ZNF521: variants seen among roughly 807,000 people sequenced by gnomAD.
ZNF521 encodes LYST-interacting protein 3.
Under a neutral mutation model 105.5 loss-of-function variants are expected in ZNF521, and 14 were observed. The ratio of observed to expected loss-of-function variants is 0.13; its 90% CI spans 0.09 to 0.21. ZNF521 has a LOEUF of 0.21. ZNF521 is among the 10% of genes least tolerant of loss of function. The pLI, the probability that ZNF521 is intolerant of heterozygous loss-of-function variation, is 1.00. For missense variants in ZNF521, 1,233 were observed against 1,629.7 expected (o/e 0.76, Z 4.19); for synonymous variants, 635 against 606.0 (o/e 1.05, Z -0.70).
In ZNF521 at chr18:25,338,259, TTGTGTG is replaced by T. The variant is rs34813730; in HGVS notation, c.40+12642_40+12647del. Among the ~76,000 whole-genome samples, 1,305 of 136,586 alleles carry T rather than the reference TTGTGTG, an allele frequency of 9.6e-3. 21 individuals carry two copies. The highest frequency in any genetic ancestry group is 0.032 in the African/African-American group (1,159 of 36,480). The allele number at this position is 136,586 out of a possible 152,430, so 89.6% of individuals were successfully genotyped here. ...AATTCAAACAACCTCTCATAGACTT[TTGTGTG>T]TGTGTGTGTGTGTGTGTGTGTGTGT... On this transcript the variant is annotated intron_variant, in intron 2 of 7. Transcript: ENST00000361524.
chr18:25,161,922 G>A lies in ZNF521; in HGVS notation c.3658+33238C>T, dbSNP rs1025731870. ...CAACCACTTCATTAACAATGATGGC[G>A]GGTTACAACATGACAAGCAGTGGTT... On this transcript the variant is annotated intron_variant, in intron 5 of 7. Coordinates refer to ENST00000361524, the MANE Select transcript of ZNF521 (RefSeq NM_015461.3). Among the ~76,000 whole-genome samples, 9 of 152,116 alleles carry A rather than the reference G, an allele frequency of 5.9e-5. No homozygotes were observed. The East Asian group carries it at 7.7e-4, about 13-fold the overall frequency.
chr18:25,062,454 C>G lies in ZNF521; in HGVS notation c.*258G>C, dbSNP rs768843460. 6.9e-6 allele frequency: 3 copies of G among 434,210 alleles called. No homozygotes were observed. Among genetic ancestry groups the G allele is most frequent in the African/African-American group, 2.1e-5 (1 of 48,048 alleles). The allele number at this position is 434,210 out of a possible 1,614,324, so 26.9% of individuals were successfully genotyped here. On this transcript the variant is annotated 3_prime_UTR_variant, in exon 8 of 8. Coordinates refer to ENST00000361524, the MANE Select transcript of ZNF521 (RefSeq NM_015461.3). ...TTTTTTTAATCTTGCCTGAATAGGG[C>G]CCAAGTCCACTTGTCTTTATAAGAC...
chr18:25,216,225 T>C (rs999906946), intron 4 of ZNF521, among the ~76,000 whole-genome samples: 2 of 152,178 alleles, frequency 1.3e-5, no homozygotes, highest in African/African-American at 4.8e-5. Flanking sequence ...ATTGTCATCA[T>C]GCACATTTCC....
chr18:25,182,056 T>A (rs2035640494), intron 5 of ZNF521, among the ~76,000 whole-genome samples: 1 of 152,196 alleles, frequency 6.6e-6, no homozygotes, highest in South Asian at 2.1e-4. Flanking sequence ...ATTATTATTA[T>A]ATTTTGCATT....
chr18:25,277,056 G>A (rs907946515), intron 3 of ZNF521, among the ~76,000 whole-genome samples: 3 of 152,052 alleles, frequency 2.0e-5, no homozygotes, highest in Middle Eastern at 3.4e-3. Flanking sequence ...GGTGGCACAC[G>A]CTTGTAATCC....
At chr18:25,343,374 A>G (rs1156268566) in intron 2 of ZNF521, among the ~76,000 whole-genome samples, 1 of 152,228 alleles carries the variant, frequency 6.6e-6, no homozygotes, top group Non-Finnish European at 1.5e-5. Context: ...TAACACTTAT[A>G]TGGACTTACT....
At chr18:25,187,621 T>C (rs2035748655) in intron 5 of ZNF521, among the ~76,000 whole-genome samples, 1 of 152,156 alleles carries the variant, frequency 6.6e-6, no homozygotes, top group Non-Finnish European at 1.5e-5. Context: ...ATGACTTTAT[T>C]CCATCTCTGT....
intron 7 of ZNF521, among the ~76,000 whole-genome samples, chr18:25,079,800 C>T (rs1159731219): frequency 6.6e-6 from 1 of 152,152 alleles, no homozygotes; most frequent in Non-Finnish European, 1.5e-5. Flanking sequence ...GTGCCTGTCT[C>T]ACAGCAAATA....
chr18:25,181,123 C>G (rs1203135807), intron 5 of ZNF521, among the ~76,000 whole-genome samples: 1 of 152,176 alleles, frequency 6.6e-6, no homozygotes, highest in Non-Finnish European at 1.5e-5. Context: ...AGTAAGGAAG[C>G]CTCCCACACA....
intron 3 of ZNF521, among the ~76,000 whole-genome samples, chr18:25,263,668 C>T (rs1387896114): frequency 6.6e-6 from 1 of 152,286 alleles, no homozygotes. Context: ...TTCTGCCTTC[C>T]GGGTTCAAGC....
chr18:25,321,201 G>A (rs190391210), intron 3 of ZNF521, among the ~76,000 whole-genome samples: 11 of 152,266 alleles, frequency 7.2e-5, no homozygotes, highest in African/African-American at 2.6e-4. Context: ...AACAGAAAGA[G>A]CAGAATGATG....
In ZNF521 at chr18:25,225,803, T is replaced by G. The variant is rs1004052245; in HGVS notation, c.2115A>C (p.Ser705=). The G allele has an allele frequency of 1.2e-6, 2 of 1,614,118 alleles. No individual in the cohort carries two copies. Among genetic ancestry groups the G allele is most frequent in the African/African-American group, 2.7e-5 (2 of 74,944 alleles). ...ICESCDKQFT[S]VDDLQKHLLD... is the part of the protein sequence containing the mutation. ...GCAGGTGTTTCTGAAGGTCATCCAC[T>G]GATGTGAATTGCTTGTCACAACTCT... Residue 705 remains serine, a synonymous_variant, in exon 4 of 8, where the codon TCA becomes TCC. Transcript: ENST00000361524. This position sits in a 1 kb window ranked among gnomAD's most constrained non-coding sequence, Gnocchi z 5.6.
chr18:25,320,544 C>A (rs911822931), intron 3 of ZNF521, among the ~76,000 whole-genome samples: 7 of 151,604 alleles, frequency 4.6e-5, no homozygotes, highest in African/African-American at 1.7e-4. Flanking sequence ...TTCAGAAATA[C>A]AAAGGATATA....
intron 2 of ZNF521, among the ~76,000 whole-genome samples, chr18:25,324,346 C>G (rs1441072015): frequency 1.3e-5 from 2 of 151,798 alleles, no homozygotes; most frequent in Admixed American, 6.6e-5. Context: ...ACTACAGGAC[C>G]CACCACATTT....
intron 4 of ZNF521, among the ~76,000 whole-genome samples, chr18:25,209,323 G>A (rs1222605618): frequency 1.3e-5 from 2 of 151,774 alleles, no homozygotes; most frequent in African/African-American, 4.8e-5. Flanking sequence ...GTAGAGACAG[G>A]GTTTCACCAT....
intron 7 of ZNF521, among the ~76,000 whole-genome samples, chr18:25,085,216 T>C (rs1455678953): frequency 6.8e-6 from 1 of 146,048 alleles, no homozygotes; most frequent in Non-Finnish European, 1.5e-5. Flanking sequence ...AATTATATTA[T>C]ATTTTTATGT....
chr18:25,303,309 TGA>T (rs10542663), intron 3 of ZNF521, among the ~76,000 whole-genome samples: 6,157 of 128,404 alleles, frequency 0.048, 223 homozygotes, highest in African/African-American at 0.1. Flanking sequence ...TGTGTGTGTG[TGA>T]GAGAGAGACG....
intron 4 of ZNF521, chr18:25,202,818 T>C (rs1325500451): frequency 1.3e-5 from 2 of 152,194 alleles, no homozygotes; most frequent in Non-Finnish European, 2.9e-5. Context: ...TCTGAATTTG[T>C]ATGAAAATAA....
At chr18:25,101,599 T>C (rs2033966816) in intron 5 of ZNF521, among the ~76,000 whole-genome samples, 1 of 152,132 alleles carries the variant, frequency 6.6e-6, no homozygotes. Flanking sequence ...AAAGAAAAGG[T>C]ATTCTTTGGA....
Sources: gnomAD v4.1 joint callset for allele counts (sites outside exome capture counted in the v4.1 genomes callset) on GRCh38, gnomAD v4.1.1 for gene constraint, Gnocchi (gnomAD v3.1) non-coding constraint, MANE v1.5 for transcripts, NCBI Gene and HGNC (gene_info 2026-07-23, HGNC 2026-07-21) for gene names.